Variants in FAAP20 observed in about 807,000 individuals in gnomAD.
The protein encoded by FAAP20 is Fanconi anemia core complex-associated protein 20.
In FAAP20, 12 loss-of-function variants were observed where a neutral mutation model predicts 16.2. The observed-to-expected ratio is 0.74, with a 90% CI of 0.48 to 1.20. The LOEUF (loss-of-function observed/expected upper bound fraction) is 1.20. FAAP20 is among the 50% of genes most tolerant of loss of function. FAAP20 has a pLI of 0.00. For missense variants in FAAP20, 288 were observed against 245.8 expected (o/e 1.17, Z -1.15); for synonymous variants, 141 against 110.7 (o/e 1.27, Z -1.72).
At chr1:2,210,436 C>G (rs779574739), downstream of FAAP20, among the ~76,000 whole-genome samples, 1 of 152,192 alleles carries the variant, frequency 6.6e-6, no homozygotes, top group East Asian at 1.9e-4. Flanking sequence ...CCGCCTCCCC[C>G]ACCCCAGACC....
chr1:2,199,141 C>A (rs536719960), upstream of FAAP20: 1 of 1,183,080 alleles, frequency 8.5e-7, no homozygotes, highest in African/African-American at 1.6e-5. The surrounding 1 kb of genome is among the most constrained non-coding windows in gnomAD (Gnocchi z 4.5). Context: ...GGAGAGACAG[C>A]GGTCCTGTTT....
downstream of FAAP20, among the ~76,000 whole-genome samples, chr1:2,188,867 T>A (rs1256541639): frequency 6.6e-6 from 1 of 151,366 alleles, no homozygotes; most frequent in South Asian, 2.1e-4. Flanking sequence ...TAGCCGGGCG[T>A]GGTGGCGGGC....
At chr1:2,199,161 A>C (rs890783908), upstream of FAAP20, 7 of 1,179,354 alleles carry the variant, frequency 5.9e-6, no homozygotes, top group Non-Finnish European at 7.5e-6. The surrounding 1 kb of genome is among the most constrained non-coding windows in gnomAD (Gnocchi z 4.5). Flanking sequence ...TCTGAACCCC[A>C]TCCCAGCCAT....
rs1426591908 is a variant in FAAP20, at chr1:2,189,676, C to A, written c.*33G>T. The stretch of plus-strand genomic sequence containing the variant: ...GCTGGCGGGGGAGAGCGTGTCCGGG[C>A]GCCGCACTCTGCGCAGGGCTCTTGG... On this transcript the variant is annotated 3_prime_UTR_variant, in exon 4 of 4. Transcript: ENST00000378546. 6.3e-6 allele frequency: 10 copies of A among 1,586,732 alleles called. No individual in the cohort carries two copies. The highest frequency in any genetic ancestry group is 1.7e-5 in the Admixed American group (1 of 59,750).
downstream of FAAP20, among the ~76,000 whole-genome samples, chr1:2,208,129 G>A (rs1006050666): frequency 2.0e-5 from 3 of 152,040 alleles, no homozygotes; most frequent in Non-Finnish European, 4.4e-5. Context: ...CCCCTGCCTG[G>A]GGGGGTGACT....
chr1:2,203,487 T>C (rs1374751725), upstream of FAAP20: 1 of 985,590 alleles, frequency 1.0e-6, no homozygotes, highest in African/African-American at 1.7e-5. Flanking sequence ...GTGTTCTCGC[T>C]CTGGGGTTGG....
At chr1:2,209,968 G>A (rs1248412429), downstream of FAAP20, among the ~76,000 whole-genome samples, 1 of 152,166 alleles carries the variant, frequency 6.6e-6, no homozygotes, top group Non-Finnish European at 1.5e-5. Context: ...CGGGGCCTCT[G>A]TCCCACTGGG....
intron 3 of FAAP20, chr1:2,190,428 C>A: frequency 2.2e-6 from 1 of 444,922 alleles, no homozygotes; most frequent in Non-Finnish European, 4.6e-6. Context: ...TGCAGGTCAG[C>A]GCCCTGGGCA....
upstream of FAAP20, among the ~76,000 whole-genome samples, chr1:2,201,594 C>A (rs1009725863): frequency 4.6e-5 from 7 of 152,112 alleles, no homozygotes; most frequent in South Asian, 1.5e-3. Context: ...TGGTGCCGTG[C>A]GCCCATAGTC....
chr1:2,200,791 C>T, upstream of FAAP20: 1 of 1,008,050 alleles, frequency 9.9e-7, no homozygotes, highest in Non-Finnish European at 1.2e-6. Context: ...AGAGGCTCCC[C>T]CATGGGCCAA....
downstream of FAAP20, among the ~76,000 whole-genome samples, chr1:2,211,337 C>A (rs1470840957): frequency 4.0e-5 from 5 of 123,834 alleles, no homozygotes; most frequent in African/African-American, 1.2e-4. Context: ...TCAAGTGATT[C>A]TCCTGCCTCA....
At chr1:2,189,895 G>T in intron 3 of FAAP20, 114 bp from the exon 4 acceptor site, 1 of 863,720 alleles carries the variant, frequency 1.2e-6, no homozygotes, top group Non-Finnish European at 1.9e-6. Context: ...GATCCGGCTG[G>T]TCAGAAACAA....
chr1:2,202,603 A>T (rs1689093515), upstream of FAAP20, among the ~76,000 whole-genome samples: 1 of 152,076 alleles, frequency 6.6e-6, no homozygotes, highest in South Asian at 2.1e-4. Context: ...AGCTGGGACT[A>T]CAGGCACAAG....
At chr1:2,184,559 C>A, downstream of FAAP20, 1 of 1,595,136 alleles carries the variant, frequency 6.3e-7, no homozygotes, top group Non-Finnish European at 8.6e-7. Context: ...GCGGAGCTGA[C>A]CCTTCTCCTA....
chr1:2,189,012 A>G, downstream of FAAP20, among the ~76,000 whole-genome samples: 1 of 40,406 alleles, frequency 2.5e-5, no homozygotes, highest in Admixed American at 2.3e-4. Flanking sequence ...CTCAAAAAAG[A>G]AAAAAAAAAA....
chr1:2,211,681 C>A (rs1399424519), downstream of FAAP20, among the ~76,000 whole-genome samples: 2 of 150,724 alleles, frequency 1.3e-5, no homozygotes, highest in African/African-American at 4.9e-5. Context: ...CATCTCCTGG[C>A]CTTGTGATCC....
chr1:2,197,465 G>A (rs945247439), upstream of FAAP20, among the ~76,000 whole-genome samples: 10 of 152,200 alleles, frequency 6.6e-5, no homozygotes, highest in African/African-American at 7.2e-5. Flanking sequence ...TAGGAGGCAC[G>A]GGCCTGCAGG....
At chr1:2,188,368 GAAT>G (rs1426678504), downstream of FAAP20, among the ~76,000 whole-genome samples, 9 of 152,326 alleles carry the variant, frequency 5.9e-5, no homozygotes, top group African/African-American at 1.9e-4. Context: ...AACCCCTGGC[GAAT>G]GATGAGGCCC....
At chr1:2,206,394 T>C (rs931943140) in exon 3 of FAAP20, 2 of 152,236 alleles carry the variant, frequency 1.3e-5, no homozygotes, top group African/African-American at 4.8e-5. Context: ...GATGGGCTCA[T>C]GGATTGGAAA....
Sources: allele counts gnomAD v4.1 joint callset (sites outside exome capture counted in the v4.1 genomes callset), GRCh38; gene constraint gnomAD v4.1.1; non-coding constraint Gnocchi (gnomAD v3.1); transcripts MANE v1.5; gene names NCBI Gene and HGNC (gene_info 2026-07-23, HGNC 2026-07-21).